Variants in MROH1 observed in about 807,000 individuals in gnomAD.
The protein encoded by MROH1 is maestro heat-like repeat-containing protein family member 1.
MROH1 carries 117 observed loss-of-function variants against 116.5 expected under a neutral mutation model. That is an observed-to-expected ratio of 1.00 (90% CI 0.86 to 1.17). The LOEUF (loss-of-function observed/expected upper bound fraction) is 1.17, where lower values mean the gene tolerates loss of function less well. Among genes scored for constraint, MROH1 ranks in the 50% most tolerant of loss-of-function variants. MROH1 has a pLI of 0.00. For missense variants in MROH1, 1,873 were observed against 1,338.5 expected (o/e 1.40, Z -6.23); for synonymous variants, 921 against 583.9 (o/e 1.58, Z -8.32).
intron 1 of MROH1, among the ~76,000 whole-genome samples, chr8:144,151,259 A>AC (rs1564345418): frequency 1.3e-5 from 2 of 150,096 alleles, no homozygotes; most frequent in Non-Finnish European, 3.0e-5. Context: ...AAAAAAAAAA[A>AC]AAAAAAAAAA....
chr8:144,234,588 C>G lies in MROH1; in HGVS notation c.1339-4168C>G, dbSNP rs551402795. Among the ~76,000 whole-genome samples, 6 of 127,580 alleles carry G rather than the reference C, an allele frequency of 4.7e-5. No individual in the cohort carries two copies. In the Admixed American group the frequency reaches 5.7e-4, roughly 12 times the overall value. 83.7% of individuals were successfully genotyped at this position (127,580 alleles called of 152,430 possible). A position where few individuals can be genotyped will look rare whatever the true frequency, so the allele number is the denominator to read the frequency against. On this transcript the variant is annotated intron_variant, in intron 14 of 43. Transcript: ENST00000326134. The stretch of plus-strand genomic sequence containing the variant: ...CTGGAGTGCAGTGGCACAGTCTCGG[C>G]TCACTGCAGTCTCCACTTCCTGAGT...
chr8:144,180,512 C>T lies in MROH1; in HGVS notation c.551C>T (p.Ala184Val). The T allele has an allele frequency of 6.2e-7, 1 of 1,610,120 alleles. No individual in the cohort carries two copies. Among genetic ancestry groups the T allele is most frequent in the African/African-American group, 1.3e-5 (1 of 75,040 alleles). Residue 184 changes from alanine to valine, a missense_variant, in exon 7 of 44, where the codon GCC becomes GTC. Transcript: ENST00000326134. This position sits in a 1 kb window ranked among gnomAD's most constrained non-coding sequence, Gnocchi z 7.4. Reference sequence around the variant, plus strand: ...GCCAAGCAGGACACGGTGCGCGTGGCCTTCTGCTCCGGTAAGAGGCGGCCT... The same window carrying T: ...GCCAAGCAGGACACGGTGCGCGTGGTCTTCTGCTCCGGTAAGAGGCGGCCT... ...GVAKQDTVRV[A>V]FCSALQRFSE...
Position 144,259,311 on chromosome 8 carries a change from C to T in MROH1, c.4001C>T (p.Ala1334Val), listed in dbSNP as rs1304758614. 97 of 715,002 alleles carry T rather than the reference C, an allele frequency of 1.4e-4. No individual in the cohort carries two copies. In the East Asian group the frequency reaches 2.5e-3, roughly 19 times the overall value. 44.3% of individuals were successfully genotyped at this position (715,002 alleles called of 1,614,324 possible). The change falls in exon 37 of 44, where the codon GCG (alanine) becomes GTG (valine). Residue 1334 changes from alanine (A) to valine (V), a missense_variant. Ala to Val is a moderately conservative substitution (Grantham distance 64, BLOSUM62 0). Coordinates refer to ENST00000326134, the MANE Select transcript of MROH1 (RefSeq NM_032450.3). Reference sequence around the variant, plus strand: ...ACGCTGGCATGCACACACAGCAGTGCGTATGAGAACCAGAGGGTGACCACC... The same window carrying T: ...ACGCTGGCATGCACACACAGCAGTGTGTATGAGAACCAGAGGGTGACCACC... ...LKTLACTHSS[A>V]YENQRVTTTA...
intron 12 of MROH1, among the ~76,000 whole-genome samples, chr8:144,207,362 A>G (rs1397566693): frequency 6.6e-6 from 1 of 150,698 alleles, no homozygotes; most frequent in Non-Finnish European, 1.5e-5. Context: ...TAATTTTTGT[A>G]TTTTTAGTAG....
rs1554835470 is a variant in MROH1, at chr8:144,260,931, T to G, written c.4561T>G (p.Cys1521Gly). 1 of 777,650 alleles carries G rather than the reference T, an allele frequency of 1.3e-6. No homozygotes were observed. The highest frequency in any genetic ancestry group is 2.4e-6 in the Non-Finnish European group (1 of 417,758). 48.2% of individuals were successfully genotyped at this position (777,650 alleles called of 1,614,324 possible). A position where few individuals can be genotyped will look rare whatever the true frequency, so the allele number is the denominator to read the frequency against. Residue 1521 changes from cysteine (C) to glycine (G), a missense_variant, in exon 41 of 44, where the codon TGT becomes GGT. Physicochemically the swap from Cys to Gly is radical, Grantham distance 159. Coordinates refer to ENST00000326134, the MANE Select transcript of MROH1 (RefSeq NM_032450.3). ...ASACRFALRM[C>G]GPNLACEELS... ...GGCCTGCAGGTTTGCCCTGCGCATGTGTGGCCCCAATCTGGCATGTGAGGA... is the reference window on the plus strand; with the variant it reads ...GGCCTGCAGGTTTGCCCTGCGCATGGGTGGCCCCAATCTGGCATGTGAGGA...
chr8:144,164,407 CA>C (rs202061294), intron 3 of MROH1, among the ~76,000 whole-genome samples: 3,451 of 93,640 alleles, frequency 0.037, 95 homozygotes, highest in African/African-American at 0.11. Flanking sequence ...TCGGTCCCCC[CA>C]AAAAAAAAAA....
chr8:144,166,076 ACCATGTTGG>A (rs1454589661), intron 3 of MROH1, among the ~76,000 whole-genome samples: 66 of 152,022 alleles, frequency 4.3e-4, no homozygotes, highest in African/African-American at 1.6e-3. Flanking sequence ...ATATGGTTTC[ACCATGTTGG>A]CCAGACTGGT....
chr8:144,226,965 A>C (rs1041383469), intron 14 of MROH1, among the ~76,000 whole-genome samples: 2 of 152,146 alleles, frequency 1.3e-5, no homozygotes, highest in African/African-American at 4.8e-5. Flanking sequence ...AATTCTCAGC[A>C]TGTCGATTCT....
intron 7 of MROH1, 138 bp from the exon 8 acceptor site, chr8:144,190,646 T>C (rs1178486174): frequency 3.1e-6 from 3 of 955,624 alleles, no homozygotes. Context: ...AGTCCTGGAG[T>C]TGTGTGCTTG....
intron 3 of MROH1, among the ~76,000 whole-genome samples, chr8:144,165,753 T>A (rs1820670664): frequency 6.6e-6 from 1 of 151,358 alleles, no homozygotes; most frequent in South Asian, 2.1e-4. Context: ...TGTATTTTTT[T>A]TTTTTTTTTT....
chr8:144,236,452 A>G (rs1303197463), intron 14 of MROH1, among the ~76,000 whole-genome samples: 1 of 152,196 alleles, frequency 6.6e-6, no homozygotes. Flanking sequence ...ACATTTAGTC[A>G]GCATCAGGCC....
chr8:144,213,003 A>T, intron 12 of MROH1: 1 of 777,904 alleles, frequency 1.3e-6, no homozygotes, highest in Non-Finnish European at 2.4e-6. Flanking sequence ...GGCAGCACTA[A>T]CACCAGAATA....
intron 14 of MROH1, among the ~76,000 whole-genome samples, chr8:144,230,069 C>T (rs867908399): frequency 1.3e-5 from 2 of 152,056 alleles, no homozygotes; most frequent in South Asian, 4.2e-4. Context: ...ATGCTCTTTG[C>T]TAATCTCCTG....
At chr8:144,168,252 G>A (rs763205328) in intron 3 of MROH1, 43 bp from the exon 4 acceptor site, 149 of 1,522,238 alleles carry the variant, frequency 9.8e-5, no homozygotes, top group Non-Finnish European at 1.2e-4. Flanking sequence ...GATAGGAGAG[G>A]GCGCTTGGGC....
In MROH1 at chr8:144,168,402, C is replaced by T; in HGVS notation, c.130C>T (p.Leu44Phe). 1.9e-6 allele frequency: 3 copies of T among 1,611,436 alleles called. No homozygotes were observed. Among genetic ancestry groups the T allele is most frequent in the Non-Finnish European group, 2.5e-6 (3 of 1,179,432 alleles). Residue 44 changes from leucine (L) to phenylalanine (F), a missense_variant, in exon 4 of 44, where the codon CTC becomes TTC. Leu to Phe is a conservative substitution (Grantham distance 22). Transcript: ENST00000326134. ...SLGEARPVETLRACEEYLRQH... is the reference protein window; with the variant it reads ...SLGEARPVETFRACEEYLRQH... ...CGGGGAGGCGCGGCCGGTGGAGACG[C>T]TCCGTGCCTGCGAGGAGTATCTGCG...
At chr8:144,158,725 A>G (rs1437630049) in intron 1 of MROH1, among the ~76,000 whole-genome samples, 1 of 150,290 alleles carries the variant, frequency 6.7e-6, no homozygotes, top group Non-Finnish European at 1.5e-5. Context: ...CTTTGTATGC[A>G]TTGACTTCTT....
chr8:144,242,003 T>C (rs1841080512), intron 22 of MROH1, among the ~76,000 whole-genome samples: 1 of 152,250 alleles, frequency 6.6e-6, no homozygotes, highest in African/African-American at 2.4e-5. Context: ...GCTGTGCGGA[T>C]GGAGGCTGAT....
intron 29 of MROH1, 114 bp downstream of exon 29, chr8:144,245,374 C>T (rs1841712243): frequency 4.3e-6 from 3 of 695,436 alleles, no homozygotes; most frequent in East Asian, 2.6e-5. Context: ...CCACAGTCCT[C>T]TTCCTTGAGA....
intron 12 of MROH1, among the ~76,000 whole-genome samples, chr8:144,207,258 G>T (rs1361115832): frequency 2.0e-5 from 3 of 151,120 alleles, no homozygotes; most frequent in Admixed American, 2.0e-4. Flanking sequence ...TGCGATCTTG[G>T]CTCACTGCAA....
Sources: allele counts gnomAD v4.1 joint callset (sites outside exome capture counted in the v4.1 genomes callset), GRCh38; gene constraint gnomAD v4.1.1; non-coding constraint Gnocchi (gnomAD v3.1); transcripts MANE v1.5; gene names NCBI Gene and HGNC (gene_info 2026-07-23, HGNC 2026-07-21).